ATP8A2: variants seen among roughly 807,000 people sequenced by gnomAD.
The protein encoded by ATP8A2 is phospholipid-transporting ATPase IB.
Under a neutral mutation model 165.6 loss-of-function variants are expected in ATP8A2, and 100 were observed. That is an observed-to-expected ratio of 0.60 (90% confidence interval 0.51 to 0.71). The LOEUF (loss-of-function observed/expected upper bound fraction) is 0.71. Among genes scored for constraint, ATP8A2 ranks in the 30% least tolerant of loss-of-function variants. The probability of loss-of-function intolerance (pLI) is 0.00; values close to 1 mark genes in which losing one functional copy is unlikely to be tolerated. For missense variants in ATP8A2, 1,227 were observed against 1,479.5 expected (o/e 0.83, Z 2.80); for synonymous variants, 543 against 548.8 (o/e 0.99, Z 0.15).
chr13:25,490,010 T>C (rs7320729), intron 2 of ATP8A2, among the ~76,000 whole-genome samples: 77,430 of 152,038 alleles, frequency 0.51, 20,534 homozygotes, highest in African/African-American at 0.6. Flanking sequence ...TTTATGGTAG[T>C]CGGTGTATAC....
At chr13:25,417,702 T>A (rs903488900) in intron 1 of ATP8A2, among the ~76,000 whole-genome samples, 2 of 152,246 alleles carry the variant, frequency 1.3e-5, no homozygotes, top group African/African-American at 4.8e-5. Context: ...AGCCCAGGAA[T>A]CTGCATTTCT....
intron 25 of ATP8A2, among the ~76,000 whole-genome samples, chr13:25,717,554 G>A (rs2043283709): frequency 6.6e-6 from 1 of 151,988 alleles, no homozygotes; most frequent in Admixed American, 6.6e-5. Context: ...GGTGCCATGT[G>A]CTACTTTAAT....
chr13:25,427,533 A>G (rs1445272363), intron 1 of ATP8A2, among the ~76,000 whole-genome samples: 1 of 152,160 alleles, frequency 6.6e-6, no homozygotes, highest in Non-Finnish European at 1.5e-5. Context: ...CCCTGGTGCC[A>G]AAAAGGTTGG....
chr13:25,513,323 C>T (rs1399277963), intron 2 of ATP8A2, among the ~76,000 whole-genome samples: 23 of 150,002 alleles, frequency 1.5e-4, no homozygotes, highest in East Asian at 1.4e-3. Flanking sequence ...CCAGACGGGG[C>T]GGTGGGGCAG....
chr13:25,926,619 G>T (rs914077374), intron 33 of ATP8A2, among the ~76,000 whole-genome samples: 3 of 151,992 alleles, frequency 2.0e-5, no homozygotes, highest in Non-Finnish European at 4.4e-5. Flanking sequence ...CAGATCATGG[G>T]GATTTGGGGA....
At chr13:25,389,851 A>G (rs542093499) in intron 1 of ATP8A2, among the ~76,000 whole-genome samples, 1 of 152,364 alleles carries the variant, frequency 6.6e-6, no homozygotes, top group East Asian at 1.9e-4. Flanking sequence ...TGTCCAAGGC[A>G]ATACTAGAAG....
chr13:25,452,450 G>A (rs184989130), intron 1 of ATP8A2, among the ~76,000 whole-genome samples: 27 of 151,384 alleles, frequency 1.8e-4, no homozygotes, highest in East Asian at 1.4e-3. Flanking sequence ...TTTTATTCCC[G>A]CTTGGCTGTG....
chr13:25,767,454 G>A (rs1429905783), intron 25 of ATP8A2, among the ~76,000 whole-genome samples: 1 of 152,164 alleles, frequency 6.6e-6, no homozygotes, highest in Non-Finnish European at 1.5e-5. Context: ...ATTAAATAAT[G>A]GTTGAAGAAC....
At chr13:25,614,549 G>T (rs772005935) in intron 24 of ATP8A2, among the ~76,000 whole-genome samples, 5 of 152,124 alleles carry the variant, frequency 3.3e-5, no homozygotes, top group Non-Finnish European at 5.9e-5. Context: ...ATGAGCTAGT[G>T]TGATCTTTTG....
At chr13:25,494,368 C>G (rs2036612002) in intron 2 of ATP8A2, among the ~76,000 whole-genome samples, 1 of 152,036 alleles carries the variant, frequency 6.6e-6, no homozygotes, top group Non-Finnish European at 1.5e-5. Flanking sequence ...TTGGAGGGAT[C>G]GCTTTGACCT....
At chr13:25,824,107 A>AT (rs1470306274) in intron 27 of ATP8A2, among the ~76,000 whole-genome samples, 1 of 152,076 alleles carries the variant, frequency 6.6e-6, no homozygotes, top group Non-Finnish European at 1.5e-5. Context: ...AGGAGCTGGG[A>AT]TTACAGGTGT....
intron 1 of ATP8A2, among the ~76,000 whole-genome samples, chr13:25,392,638 T>G (rs1295825540): frequency 6.6e-6 from 1 of 152,138 alleles, no homozygotes; most frequent in African/African-American, 2.4e-5. Flanking sequence ...TATAAAAAAA[T>G]TTTGTAATCC....
chr13:25,779,102 AAT>A (rs2044810481), intron 27 of ATP8A2, among the ~76,000 whole-genome samples: 1 of 149,640 alleles, frequency 6.7e-6, no homozygotes, highest in South Asian at 2.1e-4. Flanking sequence ...TATATTGTAC[AAT>A]CATTTTAAGA....
intron 2 of ATP8A2, among the ~76,000 whole-genome samples, chr13:25,491,905 C>T (rs760960512): frequency 6.6e-6 from 1 of 152,170 alleles, no homozygotes; most frequent in Non-Finnish European, 1.5e-5. Context: ...CAATTAATGA[C>T]ATAAATATTG....
intron 1 of ATP8A2, among the ~76,000 whole-genome samples, chr13:25,444,702 A>G (rs542546273): frequency 6.7e-4 from 102 of 151,666 alleles, no homozygotes; most frequent in African/African-American, 2.1e-3. Flanking sequence ...CTGGAGTGCA[A>G]TGGTGTGATC....
chr13:25,419,759 G>C (rs537448364), intron 1 of ATP8A2, among the ~76,000 whole-genome samples: 28 of 152,144 alleles, frequency 1.8e-4, no homozygotes, highest in African/African-American at 6.8e-4. Flanking sequence ...TAAGATTAAC[G>C]ATTAGGAAAC....
At chr13:25,726,233 A>G (rs1310518277) in intron 25 of ATP8A2, among the ~76,000 whole-genome samples, 4 of 152,232 alleles carry the variant, frequency 2.6e-5, no homozygotes, top group African/African-American at 9.6e-5. Context: ...CTGAGAAGGT[A>G]GTAAAGTGTG....
rs1025087733 is a variant in ATP8A2, at chr13:25,469,035, G to C, written c.135G>C (p.Thr45=). The change falls in exon 2 of 37, where the codon ACG becomes ACC. Residue 45 remains threonine, a synonymous_variant. Transcript: ENST00000381655. ...KKAEDEMSRA[T]SVGDQLEAPA... ...CAGAGGATGAGATGTCCCGGGCCAC[G>C]TCTGTTGGAGACCAGCTGGAGGCAC... 2 of 1,613,960 alleles carry C rather than the reference G, an allele frequency of 1.2e-6. No individual in the cohort carries two copies. Among genetic ancestry groups the C allele is most frequent in the African/African-American group, 2.7e-5 (2 of 74,940 alleles).
intron 25 of ATP8A2, among the ~76,000 whole-genome samples, chr13:25,767,656 A>G (rs2044518896): frequency 6.6e-6 from 1 of 152,254 alleles, no homozygotes. Flanking sequence ...GGTCGCACCT[A>G]CTGCAGGAGG....
Sources: allele counts gnomAD v4.1 joint callset (sites outside exome capture counted in the v4.1 genomes callset), GRCh38; gene constraint gnomAD v4.1.1; transcripts MANE v1.5; gene names NCBI Gene and HGNC (gene_info 2026-07-23, HGNC 2026-07-21).